Variants in ATP8A1 observed in about 807,000 individuals in gnomAD.
ATP8A1 encodes the protein phospholipid-transporting ATPase IA.
Under a neutral mutation model 177.7 loss-of-function variants are expected in ATP8A1, and 90 were observed. That is an observed-to-expected ratio of 0.51 (90% CI 0.43 to 0.60). ATP8A1 has a LOEUF of 0.60. Among genes scored for constraint, ATP8A1 ranks in the 20% least tolerant of loss-of-function variants. ATP8A1 has a pLI of 0.00. For missense variants in ATP8A1, 1,072 were observed against 1,392.8 expected (o/e 0.77, Z 3.67); for synonymous variants, 493 against 485.9 (o/e 1.01, Z -0.19).
intron 33 of ATP8A1, among the ~76,000 whole-genome samples, chr4:42,439,586 C>G (rs1282396225): frequency 2.0e-5 from 3 of 152,210 alleles, no homozygotes; most frequent in African/African-American, 7.2e-5. Context: ...AATGAAGATA[C>G]AGTCATCGCT....
At chr4:42,574,803 G>A in intron 13 of ATP8A1, 96 bp from the exon 14 acceptor site, 2 of 765,634 alleles carry the variant, frequency 2.6e-6, no homozygotes, top group Non-Finnish European at 4.2e-6. Context: ...CATTGCAGGG[G>A]CACAATGAAT....
chr4:42,455,585 A>C lies in ATP8A1; in HGVS notation c.2634T>G (p.Phe878Leu), dbSNP rs1188681491. ...VLYIIEIWFA[F>L]VNGFSGQILF... ...GGATCTGTCCAGAAAAGCCATTAAC[A>C]AAGGCAAACCAGATCTAGGAAAAAA... is the stretch of plus-strand genomic sequence containing the variant. The change falls in exon 28 of 37, where the codon TTT becomes TTG. Residue 878 changes from phenylalanine to leucine, a missense_variant. Phe to Leu is a conservative substitution (Grantham distance 22). Around this residue, in one of 5 missense-constraint regions of ATP8A1, gnomAD observed 316 missense variants for 459.1 expected, o/e 0.69. Coordinates refer to ENST00000381668, the MANE Select transcript of ATP8A1 (RefSeq NM_006095.2). 1 of 1,613,442 alleles carries C rather than the reference A, an allele frequency of 6.2e-7. No homozygotes were observed. The highest frequency in any genetic ancestry group is 8.5e-7 in the Non-Finnish European group (1 of 1,179,688).
chr4:42,413,518 G>T (rs756829144), intron 36 of ATP8A1, among the ~76,000 whole-genome samples: 1 of 152,076 alleles, frequency 6.6e-6, no homozygotes, highest in Non-Finnish European at 1.5e-5. Context: ...CAAAATCCAC[G>T]GATGCTTAAA....
intron 9 of ATP8A1, among the ~76,000 whole-genome samples, chr4:42,586,016 C>T (rs147064016): frequency 3.3e-5 from 5 of 152,242 alleles, no homozygotes; most frequent in East Asian, 1.9e-4. Context: ...GCCTATAACA[C>T]GAGTATTTGG....
At chr4:42,462,873 G>A (rs1270520303) in intron 27 of ATP8A1, among the ~76,000 whole-genome samples, 2 of 152,206 alleles carry the variant, frequency 1.3e-5, no homozygotes, top group African/African-American at 4.8e-5. Context: ...GATGTGAGAC[G>A]TGGAGTCAAA....
At position 42,410,840 on chromosome 4, in the gene ATP8A1, A is replaced by AG. The variant is rs1471473941; in HGVS notation, c.*2075dup. ...TGTTTTTATATTAAAATTCTGCAGAAGGGTGCCACTGATGAAGTGAGCGCA... is the reference window on the plus strand; with the variant it reads ...TGTTTTTATATTAAAATTCTGCAGAAGGGGTGCCACTGATGAAGTGAGCGCA... On this transcript the variant is annotated 3_prime_UTR_variant, in exon 37 of 37. Coordinates refer to ENST00000381668, the MANE Select transcript of ATP8A1 (RefSeq NM_006095.2). 1 of 152,202 alleles carries AG rather than the reference A, an allele frequency of 6.6e-6. No individual in the cohort carries two copies. The highest frequency in any genetic ancestry group is 2.4e-5 in the African/African-American group (1 of 41,454). The allele number at this position is 152,202 out of a possible 1,614,324, so 9.4% of individuals were successfully genotyped here.
At chr4:42,427,634 T>C (rs1382640873) in intron 33 of ATP8A1, among the ~76,000 whole-genome samples, 1 of 152,226 alleles carries the variant, frequency 6.6e-6, no homozygotes, top group Non-Finnish European at 1.5e-5. Context: ...TTCTGAACTA[T>C]GTGTTAAAAT....
At chr4:42,473,642 T>G (rs893853436) in intron 25 of ATP8A1, among the ~76,000 whole-genome samples, 8 of 152,066 alleles carry the variant, frequency 5.3e-5, no homozygotes, top group South Asian at 4.1e-4. Flanking sequence ...TTTATTTAAT[T>G]AAATTGATAA....
chr4:42,651,715 A>T (rs916735513), intron 1 of ATP8A1, among the ~76,000 whole-genome samples: 2 of 152,224 alleles, frequency 1.3e-5, no homozygotes, highest in East Asian at 1.9e-4. Flanking sequence ...ACTATTGTAC[A>T]TGATGGCTGG....
intron 36 of ATP8A1, 39 bp downstream of exon 36, chr4:42,414,588 C>G: frequency 6.6e-7 from 1 of 1,516,344 alleles, no homozygotes; most frequent in Non-Finnish European, 9.2e-7. Context: ...ACAGCAATGG[C>G]AGAGAATTTA....
At chr4:42,465,132 G>A in intron 25 of ATP8A1, 56 bp from the exon 26 acceptor site, 1 of 1,473,696 alleles carries the variant, frequency 6.8e-7, no homozygotes, top group Non-Finnish European at 9.3e-7. Context: ...ATTTTGAAAT[G>A]CCATCGTGTT....
chr4:42,514,279 G>A (rs1725298258), intron 22 of ATP8A1, among the ~76,000 whole-genome samples: 1 of 152,192 alleles, frequency 6.6e-6, no homozygotes, highest in Non-Finnish European at 1.5e-5. Context: ...GATGTGAGAG[G>A]TGATTGGGTG....
Position 42,581,713 on chromosome 4 carries a change from C to A in ATP8A1, c.742G>T (p.Asp248Tyr). ...DGHGTVPLGADQILLRGAQLR... is the reference protein window; with the variant it reads ...DGHGTVPLGAYQILLRGAQLR... ...TGAGCTCCTCGAAGAAGAATCTGATCTGCTCCCAGTGGAACGGTGCTAGGA... is the reference window on the plus strand; with the variant it reads ...TGAGCTCCTCGAAGAAGAATCTGATATGCTCCCAGTGGAACGGTGCTAGGA... The change falls in exon 10 of 37, where the codon GAT becomes TAT. Residue 248 changes from aspartate (D) to tyrosine (Y), a missense_variant. Asp to Tyr is a radical substitution (Grantham distance 160). Around this residue, in one of 5 missense-constraint regions of ATP8A1, gnomAD observed 344 missense variants for 393.5 expected, o/e 0.87. Transcript: ENST00000381668. 6 of 1,613,990 alleles carry A rather than the reference C, an allele frequency of 3.7e-6. No individual in the cohort carries two copies. The highest frequency in any genetic ancestry group is 4.2e-6 in the Non-Finnish European group (5 of 1,179,850).
chr4:42,623,843 C>T (rs1302425877), intron 4 of ATP8A1, among the ~76,000 whole-genome samples: 2 of 152,098 alleles, frequency 1.3e-5, no homozygotes, highest in African/African-American at 2.4e-5. Flanking sequence ...TGCACATGTA[C>T]CCCTGAACTT....
In ATP8A1 at chr4:42,578,030, CA is replaced by C. The variant is rs559009773; in HGVS notation, c.1128+229del. Among the ~76,000 whole-genome samples the C allele has an allele frequency of 5.9e-5, 9 of 152,184 alleles. No homozygotes were observed. In the South Asian group the frequency reaches 1.9e-3, roughly 32 times the overall value. ...TCCAAACTCATGGTTCTCCATCTCCCACGACCACCATAGGTTTCCTGAACTA... is the reference window on the plus strand; with the variant it reads ...TCCAAACTCATGGTTCTCCATCTCCCCGACCACCATAGGTTTCCTGAACTA... On this transcript the variant is annotated intron_variant, in intron 12 of 36. Transcript: ENST00000381668.
rs746969175 is a variant in ATP8A1, at chr4:42,551,248, A to T, written c.1552T>A (p.Leu518Met). 2.5e-6 allele frequency: 4 copies of T among 1,613,966 alleles called. No individual in the cohort carries two copies. In the South Asian group the frequency reaches 4.4e-5, roughly 18 times the overall value. The stretch of plus-strand genomic sequence containing the variant: ...GTTCTTCCAGTGAAAACAAAATTCA[A>T]TTGCTTGGCTGCTCTGACCAATGCT... ...EGALVRAAKQ[L>M]NFVFTGRTPD... The change falls in exon 18 of 37, where the codon TTG becomes ATG. Residue 518 changes from leucine to methionine, a missense_variant. This residue lies in a region of ATP8A1 where 388 missense variants were observed against 471.7 expected (regional missense o/e 0.82). Transcript: ENST00000381668.
At position 42,504,348 on chromosome 4, in the gene ATP8A1, C is replaced by T. The variant is rs75272559; in HGVS notation, c.2087-834G>A. ...GTCAGCCTACTCAAAAACCAGGCTC[C>T]TGACCACACTCCTCCAGCCCCCATC... On this transcript the variant is annotated intron_variant, in intron 23 of 36. Coordinates refer to ENST00000381668, the MANE Select transcript of ATP8A1 (RefSeq NM_006095.2). 2.6e-4 allele frequency among the ~76,000 whole-genome samples: 40 copies of T among 152,360 alleles called. No homozygotes were observed. In the East Asian group the frequency reaches 7.1e-3, roughly 27 times the overall value.
At chr4:42,500,929 C>A (rs1401535300) in intron 24 of ATP8A1, among the ~76,000 whole-genome samples, 1 of 151,750 alleles carries the variant, frequency 6.6e-6, no homozygotes, top group Admixed American at 6.6e-5. Flanking sequence ...GGAATTTCTT[C>A]GGTGGTGATC....
chr4:42,548,286 C>G (rs1216975320), intron 19 of ATP8A1, among the ~76,000 whole-genome samples: 5 of 152,122 alleles, frequency 3.3e-5, no homozygotes. Flanking sequence ...TCATCTCCAC[C>G]CCACATAAAT....
Sources: gnomAD v4.1 joint callset for allele counts (sites outside exome capture counted in the v4.1 genomes callset) on GRCh38, gnomAD v4.1.1 for gene constraint, gnomAD v4.1.1 regional missense constraint, MANE v1.5 for transcripts, NCBI Gene and HGNC (gene_info 2026-07-23, HGNC 2026-07-21) for gene names.